TGFBR1: variants seen among roughly 807,000 people sequenced by gnomAD.
TGFBR1 encodes transforming growth factor beta receptor 1.
Under a neutral mutation model 55.1 loss-of-function variants are expected in TGFBR1, and 20 were observed. The observed-to-expected ratio is 0.36, with a 90% CI of 0.26 to 0.53. TGFBR1 has a LOEUF of 0.53. Among genes scored for constraint, TGFBR1 ranks in the 20% least tolerant of loss-of-function variants. The pLI is 0.91. For missense variants in TGFBR1, 385 were observed against 617.6 expected, an observed-to-expected ratio of 0.62 and a Z score of 3.99; for synonymous variants, 220 against 214.8, an observed-to-expected ratio of 1.02 and a Z score of -0.21.
chr9:99,132,878 T>C, intron 3 of TGFBR1, 139 bp downstream of exon 3: 1 of 1,219,630 alleles, frequency 8.2e-7, no homozygotes, highest in Non-Finnish European at 1.1e-6. Flanking sequence ...CTAATAAAAA[T>C]CTTTAAGCTT....
At position 99,137,845 on chromosome 9, in the gene TGFBR1, A is replaced by AT. The variant is rs863223798; in HGVS notation, c.575-9dup. 2.2e-4 allele frequency: 352 copies of AT among 1,606,690 alleles called. 1 individual carries two copies. Among genetic ancestry groups the AT allele is most frequent in the Non-Finnish European group, 4.6e-5 (54 of 1,173,586 alleles). On this transcript the variant is annotated splice_polypyrimidine_tract_variant and intron_variant, in intron 3 of 8. Coordinates refer to ENST00000374994, the MANE Select transcript of TGFBR1 (RefSeq NM_004612.4). ...TTGTTGATTGTGTTGAGTACTATTT[A>AT]TTTTTACCTTTAGGTTTACCATTGC...
chr9:99,152,687 T>G lies in TGFBR1; in HGVS notation c.*3382T>G, dbSNP rs200080374. 24 of 226,720 alleles carry G rather than the reference T, an allele frequency of 1.1e-4. No homozygotes were observed. The highest frequency in any genetic ancestry group is 1.2e-4 in the Non-Finnish European group (14 of 114,030). The allele number at this position is 226,720 out of a possible 1,614,324, so 14.0% of individuals were successfully genotyped here. ...CTGGAAGAATCGTAAGTCAACTGTT[T>G]CTTGACCATGGCAGTGTTCTGGCTC... On this transcript the variant is annotated 3_prime_UTR_variant, in exon 9 of 9. Transcript: ENST00000374994.
At chr9:99,116,727 T>C (rs1342718341) in intron 1 of TGFBR1, among the ~76,000 whole-genome samples, 2 of 152,194 alleles carry the variant, frequency 1.3e-5, no homozygotes, top group African/African-American at 2.4e-5. Context: ...TACCAGCAAT[T>C]GGAAACCCAT....
At chr9:99,145,377 A>G (rs1363884577) in intron 6 of TGFBR1, among the ~76,000 whole-genome samples, 1 of 152,136 alleles carries the variant, frequency 6.6e-6, no homozygotes, top group East Asian at 1.9e-4. Flanking sequence ...AGTTTTTTCT[A>G]GTCCTCAAAA....
intron 1 of TGFBR1, 50 bp downstream of exon 1, chr9:99,105,352 C>T (rs1826377616): frequency 3.1e-6 from 3 of 978,890 alleles, no homozygotes; most frequent in East Asian, 1.2e-4. Flanking sequence ...CGGGCCGGAC[C>T]CGGCCTCTGG....
At chr9:99,138,747 C>T (rs577341596) in intron 4 of TGFBR1, among the ~76,000 whole-genome samples, 2 of 152,038 alleles carry the variant, frequency 1.3e-5, no homozygotes, top group East Asian at 3.9e-4. Flanking sequence ...TGACCTTAGA[C>T]TGTGCTGCTG....
chr9:99,132,478 G>A lies in TGFBR1; in HGVS notation c.344-31G>A, dbSNP rs182276673. On this transcript the variant is annotated intron_variant, in intron 2 of 8. Transcript: ENST00000374994. ...CACCTACAGTGTTTTTGTCGTTGTT[G>A]ATGTTTATTTCACTCGAGGCCCTTT... 1.9e-5 allele frequency: 31 copies of A among 1,612,674 alleles called. No homozygotes were observed. The African/African-American group carries it at 3.3e-4, about 17-fold the overall frequency.
chr9:99,140,783 C>T (rs1827593331), intron 4 of TGFBR1, among the ~76,000 whole-genome samples: 1 of 152,208 alleles, frequency 6.6e-6, no homozygotes, highest in African/African-American at 2.4e-5. Flanking sequence ...CTCAAATCTC[C>T]ATTTGAAAGC....
chr9:99,135,460 T>TA (rs1827404712), intron 3 of TGFBR1, among the ~76,000 whole-genome samples: 2 of 152,228 alleles, frequency 1.3e-5, no homozygotes, highest in African/African-American at 4.8e-5. Flanking sequence ...ATATGTTTAT[T>TA]ACTTAGTACC....
rs114046193 is a variant in TGFBR1, at chr9:99,115,459, C to T, written c.97+10157C>T. 9.8e-3 allele frequency among the ~76,000 whole-genome samples: 1,486 copies of T among 152,224 alleles called. 22 individuals carry two copies. Among genetic ancestry groups the T allele is most frequent in the African/African-American group, 0.034 (1,408 of 41,514 alleles). On this transcript the variant is annotated intron_variant, in intron 1 of 8. Coordinates refer to ENST00000374994, the MANE Select transcript of TGFBR1 (RefSeq NM_004612.4). ...TAGGTCCCCAGGGAAAAGGCAAAAA[C>T]GAATGGCTTTTTCTGCGAGAAACTA... is the stretch of plus-strand genomic sequence containing the variant.
chr9:99,106,786 T>C (rs7874221), intron 1 of TGFBR1, among the ~76,000 whole-genome samples: 31,153 of 152,224 alleles, frequency 0.2, 3,404 homozygotes, highest in East Asian at 0.43. Flanking sequence ...TTGGTCTTTA[T>C]TATCCACTTT....
At chr9:99,117,648 A>G (rs986064574) in intron 1 of TGFBR1, among the ~76,000 whole-genome samples, 2 of 152,128 alleles carry the variant, frequency 1.3e-5, no homozygotes, top group Admixed American at 6.5e-5. Flanking sequence ...TCATAAATCA[A>G]GAGGTTGTAT....
rs2118856935 is a variant in TGFBR1, at chr9:99,149,235, C to G, written c.1442C>G (p.Ala481Gly). Residue 481 changes from alanine to glycine, a missense_variant, in exon 9 of 9, where the codon GCT (alanine) becomes GGT (glycine). Around this residue, in one of 5 missense-constraint regions of TGFBR1, gnomAD observed 110 missense variants for 154.6 expected, o/e 0.71. Transcript: ENST00000374994. ...GAATGTTGGTATGCCAATGGAGCAGCTAGGCTTACAGCATTGCGGATTAAG... is the reference window on the plus strand; with the variant it reads ...GAATGTTGGTATGCCAATGGAGCAGGTAGGCTTACAGCATTGCGGATTAAG... ...MRECWYANGA[A>G]RLTALRIKKT... 1 of 1,613,688 alleles carries G rather than the reference C, an allele frequency of 6.2e-7. No individual in the cohort carries two copies. Among genetic ancestry groups the G allele is most frequent in the Non-Finnish European group, 8.5e-7 (1 of 1,179,782 alleles).
Position 99,153,575 on chromosome 9 carries a change from G to C in TGFBR1, c.*4270G>C, listed in dbSNP as rs1828030803. On this transcript the variant is annotated 3_prime_UTR_variant, in exon 9 of 9. Transcript: ENST00000374994. ...AAAAGAATGTAAATAGGAAATAGAAGAGTGATGCTTATGTTAAGTCCTAAC... is the reference window on the plus strand; with the variant it reads ...AAAAGAATGTAAATAGGAAATAGAACAGTGATGCTTATGTTAAGTCCTAAC... The C allele has an allele frequency of 5.2e-6, 1 of 193,902 alleles. No homozygotes were observed. The highest frequency in any genetic ancestry group is 1.9e-4 in the South Asian group (1 of 5,212). 12.0% of individuals were successfully genotyped at this position (193,902 alleles called of 1,614,324 possible). A position where few individuals can be genotyped will look rare whatever the true frequency, so the allele number is the denominator to read the frequency against.
chr9:99,118,496 A>T (rs1037509179), intron 1 of TGFBR1, among the ~76,000 whole-genome samples: 9 of 152,168 alleles, frequency 5.9e-5, no homozygotes, highest in African/African-American at 2.2e-4. Flanking sequence ...TCTGCAATTT[A>T]CTGAAATTTT....
At chr9:99,116,453 C>T (rs946418155) in intron 1 of TGFBR1, among the ~76,000 whole-genome samples, 1 of 152,160 alleles carries the variant, frequency 6.6e-6, no homozygotes, top group African/African-American at 2.4e-5. Context: ...AGCTTAGTCT[C>T]TGTAACTGGG....
intron 1 of TGFBR1, among the ~76,000 whole-genome samples, chr9:99,117,351 G>A (rs1345984693): frequency 1.3e-5 from 2 of 151,210 alleles, no homozygotes; most frequent in East Asian, 1.9e-4. Context: ...TGCCTGCCTC[G>A]GCCTCCCAAA....
chr9:99,140,645 T>C (rs1008482085), intron 4 of TGFBR1, among the ~76,000 whole-genome samples: 1 of 152,202 alleles, frequency 6.6e-6, no homozygotes, highest in African/African-American at 2.4e-5. Context: ...TTCTTCATAG[T>C]TGTCTTTGTT....
At chr9:99,137,647 G>C (rs1288782382) in intron 3 of TGFBR1, among the ~76,000 whole-genome samples, 1 of 152,006 alleles carries the variant, frequency 6.6e-6, no homozygotes, top group Non-Finnish European at 1.5e-5. Context: ...CCCTCTAGCA[G>C]GAGTTTCTGG....
Sources: gnomAD v4.1 joint callset for allele counts (sites outside exome capture counted in the v4.1 genomes callset) on GRCh38, gnomAD v4.1.1 for gene constraint, gnomAD v4.1.1 regional missense constraint, MANE v1.5 for transcripts, NCBI Gene and HGNC (gene_info 2026-07-23, HGNC 2026-07-21) for gene names.